Variants in LRFN5 observed in about 807,000 individuals in gnomAD.
The protein encoded by LRFN5 is leucine-rich repeat and fibronectin type-III domain-containing protein 5.
Under a neutral mutation model 45.6 loss-of-function variants are expected in LRFN5, and 24 were observed. The ratio of observed to expected loss-of-function variants is 0.53; its 90% CI spans 0.38 to 0.74. LRFN5 has a LOEUF of 0.74. Ranked by LOEUF, LRFN5 falls within the 30% of genes least tolerant of loss-of-function variation. The probability of loss-of-function intolerance (pLI) is 0.00; values close to 1 mark genes in which losing one functional copy is unlikely to be tolerated. For synonymous variants in LRFN5, 340 were observed against 313.8 expected, an observed-to-expected ratio of 1.08 and a Z score of -0.88; for missense variants, 776 against 861.5, an observed-to-expected ratio of 0.90 and a Z score of 1.24.
chr14:41,842,030 C>A (rs1250222237), intron 2 of LRFN5, among the ~76,000 whole-genome samples: 2 of 151,704 alleles, frequency 1.3e-5, no homozygotes, highest in East Asian at 3.9e-4. Flanking sequence ...AGTACATATT[C>A]CCCCCAGCTT....
chr14:41,892,236 G>A, intron 4 of LRFN5: 1 of 984,906 alleles, frequency 1.0e-6, no homozygotes, highest in Non-Finnish European at 1.2e-6. Context: ...AACTCACATA[G>A]AAGATTGGAA....
chr14:41,756,872 C>T (rs920236439), intron 1 of LRFN5, among the ~76,000 whole-genome samples: 14 of 152,088 alleles, frequency 9.2e-5, no homozygotes, highest in African/African-American at 3.4e-4. Flanking sequence ...TCTGTTTTTT[C>T]CGCATCTTTG....
intron 1 of LRFN5, among the ~76,000 whole-genome samples, chr14:41,644,559 G>A (rs534602902): frequency 9.9e-5 from 15 of 152,064 alleles, no homozygotes; most frequent in Non-Finnish European, 2.1e-4. Context: ...GGCAGGGTTG[G>A]GTAAGGAGAT....
At chr14:41,792,683 G>A (rs527461155) in intron 2 of LRFN5, among the ~76,000 whole-genome samples, 3 of 152,032 alleles carry the variant, frequency 2.0e-5, no homozygotes, top group African/African-American at 7.2e-5. Context: ...AGACCTTAGG[G>A]TTGTCTTCCC....
Position 41,902,284 on chromosome 14 carries a change from A to T in LRFN5, c.2143-1874A>T, listed in dbSNP as rs553069255. Among the ~76,000 whole-genome samples, 21 of 151,832 alleles carry T rather than the reference A, an allele frequency of 1.4e-4. No individual in the cohort carries two copies. In the South Asian group the frequency reaches 4.2e-3, roughly 30 times the overall value. On this transcript the variant is annotated intron_variant, in intron 5 of 5. Transcript: ENST00000298119. Reference sequence around the variant, plus strand: ...AACATCCTAAACCTACTACAACTTGATTATTTTTAGTTTTTGTAACATTTT... The same window carrying T: ...AACATCCTAAACCTACTACAACTTGTTTATTTTTAGTTTTTGTAACATTTT...
At chr14:41,836,734 G>A (rs1219017001) in intron 2 of LRFN5, among the ~76,000 whole-genome samples, 1 of 152,162 alleles carries the variant, frequency 6.6e-6, no homozygotes, top group Non-Finnish European at 1.5e-5. Context: ...TCTTCAGTAT[G>A]AGTGTATGAC....
At chr14:41,732,845 C>G (rs1370665925) in intron 1 of LRFN5, among the ~76,000 whole-genome samples, 8 of 151,132 alleles carry the variant, frequency 5.3e-5, no homozygotes, top group Admixed American at 4.0e-4. Context: ...AACGTCAACA[C>G]AATTATATGT....
intron 1 of LRFN5, among the ~76,000 whole-genome samples, chr14:41,654,274 A>G (rs929018923): frequency 1.9e-4 from 29 of 152,054 alleles, no homozygotes; most frequent in African/African-American, 6.3e-4. Context: ...GAGACATGAC[A>G]TGTTTTATTT....
At chr14:41,694,546 T>A (rs1209513136) in intron 1 of LRFN5, among the ~76,000 whole-genome samples, 2 of 151,920 alleles carry the variant, frequency 1.3e-5, no homozygotes, top group Non-Finnish European at 2.9e-5. Context: ...CTGAGTGATA[T>A]TCTTTTCTGT....
At chr14:41,737,953 C>A (rs1884515563) in intron 1 of LRFN5, among the ~76,000 whole-genome samples, 1 of 152,058 alleles carries the variant, frequency 6.6e-6, no homozygotes, top group Non-Finnish European at 1.5e-5. Flanking sequence ...AATGCTATTC[C>A]CATCAAGCTA....
intron 2 of LRFN5, among the ~76,000 whole-genome samples, chr14:41,777,223 T>G (rs1886324469): frequency 6.6e-6 from 1 of 151,776 alleles, no homozygotes; most frequent in South Asian, 2.1e-4. Flanking sequence ...GTACACAAGT[T>G]TGGTGAAAAA....
intron 2 of LRFN5, among the ~76,000 whole-genome samples, chr14:41,776,294 T>C (rs1436250296): frequency 2.0e-5 from 3 of 152,044 alleles, no homozygotes; most frequent in African/African-American, 7.2e-5. Context: ...GCTGCCCCAA[T>C]AGGAAAAGTA....
chr14:41,858,302 G>A (rs1429613146), intron 2 of LRFN5, among the ~76,000 whole-genome samples: 1 of 152,110 alleles, frequency 6.6e-6, no homozygotes, highest in African/African-American at 2.4e-5. Context: ...TTCGTGTAAA[G>A]GTGGCAGTTC....
intron 2 of LRFN5, among the ~76,000 whole-genome samples, chr14:41,818,283 G>A (rs1566462910): frequency 6.6e-6 from 1 of 151,478 alleles, no homozygotes. Context: ...TGTAATTCAT[G>A]GTACTATTTT....
At chr14:41,901,578 A>G (rs1305607766) in intron 5 of LRFN5, among the ~76,000 whole-genome samples, 1 of 152,088 alleles carries the variant, frequency 6.6e-6, no homozygotes, top group African/African-American at 2.4e-5. Context: ...ATTTAATAAC[A>G]AGCAAAAGTG....
intron 1 of LRFN5, among the ~76,000 whole-genome samples, chr14:41,744,383 G>A (rs942844453): frequency 4.6e-5 from 7 of 151,696 alleles, no homozygotes; most frequent in African/African-American, 1.7e-4. Flanking sequence ...TAAATAAATA[G>A]GAAGAGAGAA....
intron 1 of LRFN5, among the ~76,000 whole-genome samples, chr14:41,711,507 T>G (rs1883284341): frequency 1.3e-5 from 2 of 152,142 alleles, no homozygotes; most frequent in Non-Finnish European, 2.9e-5. Flanking sequence ...AGGACATATG[T>G]ATATATCTCC....
chr14:41,801,027 A>G (rs993689152), intron 2 of LRFN5, among the ~76,000 whole-genome samples: 4 of 152,104 alleles, frequency 2.6e-5, no homozygotes, highest in South Asian at 4.1e-4. Context: ...TTGTTTATAT[A>G]TAATGACAAT....
chr14:41,720,061 A>G lies in LRFN5; in HGVS notation c.-196-46793A>G, dbSNP rs150435690. Among the ~76,000 whole-genome samples the G allele has an allele frequency of 2.0e-4, 31 of 152,104 alleles. No individual in the cohort carries two copies. The East Asian group carries it at 5.8e-3, about 28-fold the overall frequency. ...TGTGTTGCTGAGGTTTGGGATATGA[A>G]TGATCCTGTCAAGCAGCTAGTGAGT... On this transcript the variant is annotated intron_variant, in intron 1 of 5. Transcript: ENST00000298119.
Sources: allele counts gnomAD v4.1 joint callset (sites outside exome capture counted in the v4.1 genomes callset), GRCh38; gene constraint gnomAD v4.1.1; transcripts MANE v1.5; gene names NCBI Gene and HGNC (gene_info 2026-07-23, HGNC 2026-07-21).